The following TANC2 variants were observed in gnomAD, a reference collection of about 807,000 sequenced individuals.
The protein encoded by TANC2 is tetratricopeptide repeat, ankyrin repeat and coiled-coil containing 2.
TANC2 carries 26 observed loss-of-function variants against 210.5 expected under a neutral mutation model. The observed-to-expected ratio is 0.12, with a 90% CI of 0.09 to 0.17. The LOEUF is 0.17. Ranked by LOEUF, TANC2 falls within the 10% of genes least tolerant of loss-of-function variation. TANC2 has a pLI of 1.00. For missense variants in TANC2, 2,129 were observed against 2,608.9 expected (o/e 0.82, Z 4.01); for synonymous variants, 931 against 967.1 (o/e 0.96, Z 0.69).
intron 20 of TANC2, among the ~76,000 whole-genome samples, chr17:63,405,554 C>T (rs2048477032): frequency 6.6e-6 from 1 of 152,196 alleles, no homozygotes; most frequent in Non-Finnish European, 1.5e-5. Context: ...CATTTCTCAG[C>T]GGACTTCTGC....
chr17:63,300,024 A>G (rs952466546), intron 9 of TANC2, among the ~76,000 whole-genome samples: 1 of 152,180 alleles, frequency 6.6e-6, no homozygotes, highest in Non-Finnish European at 1.5e-5. Context: ...TCCCAGCACC[A>G]TTTATTAAAT....
chr17:63,109,381 C>T (rs1024320723), intron 4 of TANC2, among the ~76,000 whole-genome samples: 6 of 151,516 alleles, frequency 4.0e-5, no homozygotes, highest in African/African-American at 1.5e-4. Context: ...AGTCACTAAT[C>T]TTTTTATTAT....
chr17:63,299,343 G>A (rs1032270050), intron 9 of TANC2, among the ~76,000 whole-genome samples: 3 of 152,080 alleles, frequency 2.0e-5, no homozygotes, highest in Non-Finnish European at 4.4e-5. Flanking sequence ...TTGAGGAATC[G>A]CCACACTGAC....
chr17:63,015,463 C>A (rs192782320), intron 2 of TANC2, among the ~76,000 whole-genome samples: 2 of 151,976 alleles, frequency 1.3e-5, no homozygotes, highest in African/African-American at 4.8e-5. Context: ...GCTATCCCTC[C>A]CCCCGCTTCC....
At chr17:63,305,925 G>T (rs944141576) in intron 9 of TANC2, among the ~76,000 whole-genome samples, 35 of 152,360 alleles carry the variant, frequency 2.3e-4, no homozygotes, top group African/African-American at 8.2e-4. Context: ...CATGGTGGCA[G>T]GGTGTGAGGC....
chr17:63,309,481 TG>T (rs142212269), intron 9 of TANC2, among the ~76,000 whole-genome samples: 3,200 of 152,300 alleles, frequency 0.021, 105 homozygotes, highest in African/African-American at 0.072. Context: ...CTTTCTAAAT[TG>T]TTTTGTGAAT....
intron 12 of TANC2, among the ~76,000 whole-genome samples, chr17:63,351,017 T>C (rs912723151): frequency 3.9e-5 from 6 of 152,162 alleles, no homozygotes; most frequent in Non-Finnish European, 8.8e-5. Flanking sequence ...CTGAAAATGA[T>C]GATATATATA....
At chr17:63,285,647 AG>A (rs1436997626) in intron 9 of TANC2, among the ~76,000 whole-genome samples, 1 of 152,204 alleles carries the variant, frequency 6.6e-6, no homozygotes, top group African/African-American at 2.4e-5. Context: ...ATTAGACACA[AG>A]CTTCCAAGTA....
intron 6 of TANC2, among the ~76,000 whole-genome samples, chr17:63,194,647 A>G (rs963298261): frequency 1.3e-5 from 2 of 152,154 alleles, no homozygotes; most frequent in African/African-American, 4.8e-5. Flanking sequence ...CTTTTTAAGC[A>G]CATCTTTAGC....
At chr17:63,253,745 G>A (rs1020028012) in intron 8 of TANC2, among the ~76,000 whole-genome samples, 59 of 152,000 alleles carry the variant, frequency 3.9e-4, no homozygotes, top group African/African-American at 1.4e-3. Flanking sequence ...CTCAGACCTC[G>A]AGTAGCTGGA....
At chr17:63,038,080 G>A (rs940016691) in intron 2 of TANC2, among the ~76,000 whole-genome samples, 4 of 151,958 alleles carry the variant, frequency 2.6e-5, no homozygotes, top group Non-Finnish European at 5.9e-5. Context: ...TCGGGGGAGT[G>A]GTATTCTTGC....
chr17:62,978,719 G>A (rs1181265680), intron 1 of TANC2: 5 of 152,116 alleles, frequency 3.3e-5, no homozygotes, highest in Non-Finnish European at 7.3e-5. Flanking sequence ...GAATCTTTTC[G>A]AGGACTTTTT....
In TANC2 at chr17:63,367,156, C is replaced by G. The variant is rs536221667; in HGVS notation, c.2582+11766C>G. Among the ~76,000 whole-genome samples, 3 of 152,322 alleles carry G rather than the reference C, an allele frequency of 2.0e-5. No homozygotes were observed. The East Asian group carries it at 5.8e-4, about 29-fold the overall frequency. ...TCCTTGCATTGCTCTTCCTTGTACC[C>G]ACTTGCTTGGTTTTATTCATTCATG... On this transcript the variant is annotated intron_variant, in intron 14 of 27. Transcript: ENST00000689528.
exon 25 of TANC2, chr17:63,413,623 A>G (rs2048771950): frequency 5.6e-6 from 9 of 1,597,394 alleles, no homozygotes; most frequent in South Asian, 1.1e-5. Flanking sequence ...AGAGGGGGAC[A>G]TGTTTTATAA....
At chr17:63,158,112 G>A (rs2039900272) in intron 5 of TANC2, among the ~76,000 whole-genome samples, 1 of 152,162 alleles carries the variant, frequency 6.6e-6, no homozygotes, top group Admixed American at 6.5e-5. Flanking sequence ...AATGGGGTCA[G>A]TTTTTCATAG....
intron 8 of TANC2, among the ~76,000 whole-genome samples, chr17:63,264,936 G>A (rs1170693231): frequency 6.6e-6 from 1 of 152,094 alleles, no homozygotes; most frequent in Non-Finnish European, 1.5e-5. Context: ...TCTAATCTGG[G>A]CGACAGAGTG....
At chr17:63,078,286 A>G (rs1489214037) in intron 3 of TANC2, among the ~76,000 whole-genome samples, 2 of 152,260 alleles carry the variant, frequency 1.3e-5, no homozygotes, top group African/African-American at 4.8e-5. Flanking sequence ...CATTTCTGAT[A>G]CTGGTAATTT....
intron 2 of TANC2, among the ~76,000 whole-genome samples, chr17:63,046,576 C>T (rs2035394135): frequency 1.3e-5 from 2 of 151,552 alleles, no homozygotes; most frequent in Non-Finnish European, 2.9e-5. Flanking sequence ...AGGTGATCCA[C>T]CTGCCTTGGC....
intron 19 of TANC2, 165 bp downstream of exon 19, chr17:63,399,079 T>C (rs759878622): frequency 2.2e-6 from 1 of 454,126 alleles, no homozygotes; most frequent in African/African-American, 2.0e-5. Context: ...TTTTCCTCTT[T>C]CAATCCTCTT....
Sources: gnomAD v4.1 joint callset for allele counts (sites outside exome capture counted in the v4.1 genomes callset) on GRCh38, gnomAD v4.1.1 for gene constraint, MANE v1.5 for transcripts, NCBI Gene and HGNC (gene_info 2026-07-23, HGNC 2026-07-21) for gene names.